Variants in ZNF729 observed in about 807,000 individuals in gnomAD.
The protein encoded by ZNF729 is zinc finger protein 729.
In ZNF729, 15 loss-of-function variants were observed where a neutral mutation model predicts 12.2. That is an observed-to-expected ratio of 1.23 (90% confidence interval 0.82 to 1.89). ZNF729 has a LOEUF of 1.89. Ranked by LOEUF, ZNF729 falls within the 40% of genes most tolerant of loss-of-function variation. The probability of loss-of-function intolerance (pLI) is 0.00; values close to 1 mark genes in which losing one functional copy is unlikely to be tolerated. For synonymous variants in ZNF729, 492 were observed against 476.3 expected, an observed-to-expected ratio of 1.03 and a Z score of -0.43; for missense variants, 1,540 against 1,456.7, an observed-to-expected ratio of 1.06 and a Z score of -0.93.
At position 22,315,533 on chromosome 19, in the gene ZNF729, C is replaced by A. The variant is rs972376644; in HGVS notation, c.2116C>A (p.His706Asn). Residue 706 changes from histidine (H) to asparagine (N), a missense_variant, in exon 4 of 4, where the codon CAT becomes AAT. By Grantham distance (68) the His-to-Asn change is moderately conservative (BLOSUM62 1). Transcript: ENST00000601693. Reference sequence around the variant, plus strand: ...AGCCCTTAGAAGACATAAGATAATTCATACTGGAGAGAAACCCTACAAATG... The same window carrying A: ...AGCCCTTAGAAGACATAAGATAATTAATACTGGAGAGAAACCCTACAAATG... ...FSALRRHKIIHTGEKPYKCEE... is the reference protein window; with the variant it reads ...FSALRRHKIINTGEKPYKCEE... The A allele has an allele frequency of 3.7e-6, 6 of 1,611,094 alleles. No individual in the cohort carries two copies. The African/African-American group carries it at 6.7e-5, about 18-fold the overall frequency.
At position 22,286,693 on chromosome 19, in the gene ZNF729, A is replaced by G; in HGVS notation, c.30+138A>G. The stretch of plus-strand genomic sequence containing the variant: ...TGGAGTTCTTTCCCATCTCGGCCTC[A>G]GTCTCCTTCAGCCATAAGATGGCGA... On this transcript the variant is annotated intron_variant, in intron 1 of 3. Coordinates refer to ENST00000601693, the MANE Select transcript of ZNF729 (RefSeq NM_001242680.2). 8.9e-6 allele frequency: 10 copies of G among 1,124,162 alleles called. No homozygotes were observed. In the South Asian group the frequency reaches 1.3e-4, roughly 15 times the overall value. 69.6% of individuals were successfully genotyped at this position (1,124,162 alleles called of 1,614,324 possible). A position where few individuals can be genotyped will look rare whatever the true frequency, so the allele number is the denominator to read the frequency against.
intron 3 of ZNF729, among the ~76,000 whole-genome samples, chr19:22,311,778 T>C: frequency 6.6e-6 from 1 of 152,240 alleles, no homozygotes; most frequent in Non-Finnish European, 1.5e-5. Flanking sequence ...TGTCTAGTGC[T>C]GTCAGTAGAG....
chr19:22,315,767 A>G lies in ZNF729; in HGVS notation c.2350A>G (p.Met784Val). 6.2e-7 allele frequency: 1 copy of G among 1,609,672 alleles called. No homozygotes were observed. The highest frequency in any genetic ancestry group is 1.7e-4 in the Middle Eastern group (1 of 6,052). Residue 784 changes from methionine to valine, a missense_variant, in exon 4 of 4, where the codon ATG (methionine) becomes GTG (valine). Met to Val is a conservative substitution (Grantham distance 21). Transcript: ENST00000601693. ...VKAFNSFSALMKHKVIHTGEK... is the reference protein window; with the variant it reads ...VKAFNSFSALVKHKVIHTGEK... ...AGCTTTTAACAGTTTCTCAGCCCTT[A>G]TGAAACATAAGGTAATTCATACTGG... is the stretch of plus-strand genomic sequence containing the variant.
At chr19:22,295,389 C>CTT (rs746054091) in intron 1 of ZNF729, among the ~76,000 whole-genome samples, 56 of 130,872 alleles carry the variant, frequency 4.3e-4, no homozygotes, top group African/African-American at 1.2e-3. Flanking sequence ...AGTTTTCTTT[C>CTT]TTTTTTTTTT....
intron 1 of ZNF729, among the ~76,000 whole-genome samples, chr19:22,287,195 A>T (rs915453325): frequency 1.7e-4 from 26 of 151,996 alleles, no homozygotes; most frequent in Admixed American, 5.2e-4. Context: ...TGTAGTTTAT[A>T]GTTGGTTAAG....
At chr19:22,311,366 C>T (rs1434148733) in intron 3 of ZNF729, among the ~76,000 whole-genome samples, 1 of 152,130 alleles carries the variant, frequency 6.6e-6, no homozygotes, top group East Asian at 1.9e-4. Flanking sequence ...TTTGCTGTAT[C>T]CTAGAGGTTT....
chr19:22,311,964 A>G (rs1968454734), intron 3 of ZNF729, among the ~76,000 whole-genome samples: 1 of 151,872 alleles, frequency 6.6e-6, no homozygotes, highest in African/African-American at 2.4e-5. Context: ...GTTTTTTTTA[A>G]TTGCTGTTGC....
chr19:22,314,398 A>C lies in ZNF729; in HGVS notation c.981A>C (p.Lys327Asn), dbSNP rs1192979160. The C allele has an allele frequency of 5.7e-6, 9 of 1,591,720 alleles. No homozygotes were observed. The highest frequency in any genetic ancestry group is 7.7e-6 in the Non-Finnish European group (9 of 1,166,508). ...EKPYKCEDCGKTFNHFSALRK... is the reference protein window; with the variant it reads ...EKPYKCEDCGNTFNHFSALRK... ...CCTACAAATGTGAAGATTGTGGCAA[A>C]ACTTTTAACCATTTCTCAGCCCTTA... The change falls in exon 4 of 4, where the codon AAA becomes AAC. Residue 327 changes from lysine to asparagine, a missense_variant. Physicochemically the swap from Lys to Asn is moderately conservative, Grantham distance 94. Coordinates refer to ENST00000601693, the MANE Select transcript of ZNF729 (RefSeq NM_001242680.2).
At chr19:22,311,175 G>C (rs936923803) in intron 3 of ZNF729, among the ~76,000 whole-genome samples, 1 of 151,476 alleles carries the variant, frequency 6.6e-6, no homozygotes, top group South Asian at 2.1e-4. Flanking sequence ...TTTGTCTGTT[G>C]GTTTGTTTCA....
In ZNF729 at chr19:22,315,743, G is replaced by A; in HGVS notation, c.2326G>A (p.Ala776Thr). Residue 776 changes from alanine to threonine, a missense_variant, in exon 4 of 4, where the codon GCT becomes ACT. Ala to Thr is a moderately conservative substitution (Grantham distance 58). Transcript: ENST00000601693. ...GTACAAATGTGAAGAATGTGTCAAA[G>A]CTTTTAACAGTTTCTCAGCCCTTAT... ...KLYKCEECVK[A>T]FNSFSALMKH... 1.2e-6 allele frequency: 2 copies of A among 1,607,310 alleles called. No homozygotes were observed. The highest frequency in any genetic ancestry group is 1.7e-6 in the Non-Finnish European group (2 of 1,178,426).
Position 22,316,011 on chromosome 19 carries a change from C to T in ZNF729, c.2594C>T (p.Ser865Leu). ...TGTGGCAAAGCTTTTAGCCAATCCTCATCCCTTAGAAAACATGAGATAATT... is the reference window on the plus strand; with the variant it reads ...TGTGGCAAAGCTTTTAGCCAATCCTTATCCCTTAGAAAACATGAGATAATT... Reference protein sequence around the residue: ...EECGKAFSQSSSLRKHEIIHS... With the variant: ...EECGKAFSQSLSLRKHEIIHS... Residue 865 changes from serine (S) to leucine (L), a missense_variant, in exon 4 of 4, where the codon TCA becomes TTA. Coordinates refer to ENST00000601693, the MANE Select transcript of ZNF729 (RefSeq NM_001242680.2). 5 of 1,611,024 alleles carry T rather than the reference C, an allele frequency of 3.1e-6. No homozygotes were observed. Among genetic ancestry groups the T allele is most frequent in the Non-Finnish European group, 4.2e-6 (5 of 1,179,764 alleles).
intron 3 of ZNF729, among the ~76,000 whole-genome samples, chr19:22,306,606 A>G (rs114769949): frequency 0.025 from 3,774 of 150,980 alleles, 151 homozygotes; most frequent in African/African-American, 0.087. Flanking sequence ...TAGTTTCTAT[A>G]AAATTTTTGT....
chr19:22,316,426 T>G lies in ZNF729; in HGVS notation c.3009T>G (p.Asn1003Lys), dbSNP rs372015049. The change falls in exon 4 of 4, where the codon AAT (asparagine) becomes AAG (lysine). Residue 1003 changes from asparagine to lysine, a missense_variant. Coordinates refer to ENST00000601693, the MANE Select transcript of ZNF729 (RefSeq NM_001242680.2). ...AAGAATGTGGCAAAGATTTTAACAA[T>G]TCCTCAACCCTTAAGAAACATAAGC... ...KCEECGKDFN[N>K]SSTLKKHKLI... The G allele has an allele frequency of 1.4e-5, 22 of 1,612,966 alleles. 1 individual carries two copies. In the South Asian group the frequency reaches 2.3e-4, roughly 17 times the overall value.
In ZNF729 at chr19:22,315,040, G is replaced by T; in HGVS notation, c.1623G>T (p.Glu541Asp). Residue 541 changes from glutamate (E) to aspartate (D), a missense_variant, in exon 4 of 4, where the codon GAG becomes GAT. Physicochemically the swap from Glu to Asp is conservative, Grantham distance 45. Transcript: ENST00000601693. ...LRNHQIIHTG[E>D]KPYKCEECGK... ...ACCATCAGATAATTCATACTGGAGA[G>T]AAACCCTACAAATGTGAAGAATGTG... is the stretch of plus-strand genomic sequence containing the variant. 6.2e-7 allele frequency: 1 copy of T among 1,611,584 alleles called. No individual in the cohort carries two copies. The highest frequency in any genetic ancestry group is 8.5e-7 in the Non-Finnish European group (1 of 1,179,760).
rs1968502642 is a variant in ZNF729, at chr19:22,314,718, G to A, written c.1301G>A (p.Cys434Tyr). Reference sequence around the variant, plus strand: ...CATACTGGAAAGAAACCCTACAAATGTGAAGAATGTGGCAAAGCTTTTAAC... The same window carrying A: ...CATACTGGAAAGAAACCCTACAAATATGAAGAATGTGGCAAAGCTTTTAAC... Reference protein sequence around the residue: ...IIHTGKKPYKCEECGKAFNSS... With the variant: ...IIHTGKKPYKYEECGKAFNSS... Residue 434 changes from cysteine (C) to tyrosine (Y), a missense_variant, in exon 4 of 4, where the codon TGT (cysteine) becomes TAT (tyrosine). Transcript: ENST00000601693. 1.2e-6 allele frequency: 2 copies of A among 1,613,304 alleles called. No individual in the cohort carries two copies. Among genetic ancestry groups the A allele is most frequent in the African/African-American group, 1.3e-5 (1 of 75,010 alleles).
At chr19:22,303,628 G>T in intron 1 of ZNF729, 130 bp from the exon 2 acceptor site, 1 of 782,796 alleles carries the variant, frequency 1.3e-6, no homozygotes, top group Non-Finnish European at 1.8e-6. Context: ...TATTTTATTG[G>T]ATATGTTCGG....
Position 22,290,819 on chromosome 19 carries a change from G to C in ZNF729, c.30+4264G>C, listed in dbSNP as rs185292292. 4.7e-4 allele frequency among the ~76,000 whole-genome samples: 72 copies of C among 152,244 alleles called. No individual in the cohort carries two copies. In the South Asian group the frequency reaches 5.8e-3, roughly 12 times the overall value. ...TGGCTATGTGACAGGTAAGAAAAGAGCACCATCTAAGTCATAATGGGAAGG... is the reference window on the plus strand; with the variant it reads ...TGGCTATGTGACAGGTAAGAAAAGACCACCATCTAAGTCATAATGGGAAGG... On this transcript the variant is annotated intron_variant, in intron 1 of 3. Transcript: ENST00000601693.
chr19:22,303,946 G>A, intron 2 of ZNF729, 62 bp downstream of exon 2: 7 of 1,442,346 alleles, frequency 4.9e-6, no homozygotes, highest in East Asian at 2.9e-5. Context: ...TCTCTTTTCT[G>A]TAGAATGTGT....
chr19:22,292,462 T>A (rs1968168360), intron 1 of ZNF729, among the ~76,000 whole-genome samples: 1 of 152,146 alleles, frequency 6.6e-6, no homozygotes, highest in East Asian at 1.9e-4. Context: ...TTTTGGAGAC[T>A]GGGTCTCACT....
Sources: allele counts gnomAD v4.1 joint callset (sites outside exome capture counted in the v4.1 genomes callset), GRCh38; gene constraint gnomAD v4.1.1; transcripts MANE v1.5; gene names NCBI Gene and HGNC (gene_info 2026-07-23, HGNC 2026-07-21).